Variants in CFAP299 observed in about 807,000 individuals in gnomAD.
The protein encoded by CFAP299 is cilia- and flagella-associated protein 299.
Under a neutral mutation model 27.0 loss-of-function variants are expected in CFAP299, and 21 were observed. That is an observed-to-expected ratio of 0.78 (90% confidence interval 0.55 to 1.12). CFAP299 has a LOEUF of 1.12. Among genes scored for constraint, CFAP299 ranks in the 50% most tolerant of loss-of-function variants. CFAP299 has a pLI of 0.00. For missense variants in CFAP299, 310 were observed against 276.6 expected, an observed-to-expected ratio of 1.12 and a Z score of -0.86; for synonymous variants, 104 against 98.1, an observed-to-expected ratio of 1.06 and a Z score of -0.36.
At chr4:80,596,046 A>G (rs1357346397) in intron 3 of CFAP299, among the ~76,000 whole-genome samples, 2 of 152,244 alleles carry the variant, frequency 1.3e-5, no homozygotes, top group Non-Finnish European at 1.5e-5. Context: ...CTTATTTTAT[A>G]TAATTATCTT....
At chr4:80,564,125 C>T (rs558063235) in intron 2 of CFAP299, among the ~76,000 whole-genome samples, 1 of 152,088 alleles carries the variant, frequency 6.6e-6, no homozygotes, top group South Asian at 2.1e-4. Flanking sequence ...AATACCAATC[C>T]TACTCAACCT....
intron 1 of CFAP299, 129 bp downstream of exon 1, chr4:80,336,008 C>A (rs1406530305): frequency 1.2e-5 from 8 of 642,974 alleles, no homozygotes; most frequent in Non-Finnish European, 2.2e-5. Context: ...GTTTCGGGAC[C>A]GCGACACTAA....
intron 2 of CFAP299, among the ~76,000 whole-genome samples, chr4:80,411,774 A>G (rs1198684799): frequency 6.6e-6 from 1 of 152,174 alleles, no homozygotes; most frequent in Non-Finnish European, 1.5e-5. Flanking sequence ...TCTCTTTGCC[A>G]TATTCTCTTT....
At chr4:80,385,804 G>C (rs1724943084) in intron 2 of CFAP299, among the ~76,000 whole-genome samples, 1 of 152,216 alleles carries the variant, frequency 6.6e-6, no homozygotes, top group Non-Finnish European at 1.5e-5. Flanking sequence ...CAACGGACTA[G>C]AGCCCACCTG....
intron 3 of CFAP299, among the ~76,000 whole-genome samples, chr4:80,712,310 T>C (rs1339988050): frequency 1.3e-5 from 2 of 152,200 alleles, no homozygotes; most frequent in East Asian, 3.9e-4. Context: ...GTGTTACTAT[T>C]CATATTAGAA....
chr4:80,895,710 C>A (rs76137413), intron 4 of CFAP299, among the ~76,000 whole-genome samples: 5,030 of 152,078 alleles, frequency 0.033, 186 homozygotes, highest in African/African-American at 0.092. Context: ...TATATAGGAG[C>A]AGCCCATTCA....
intron 3 of CFAP299, among the ~76,000 whole-genome samples, chr4:80,713,131 A>G (rs916148531): frequency 6.6e-6 from 1 of 152,192 alleles, no homozygotes; most frequent in African/African-American, 2.4e-5. Flanking sequence ...CCAATGGAGT[A>G]GAGAAGCAGA....
chr4:80,885,140 A>G (rs952971003), intron 4 of CFAP299, among the ~76,000 whole-genome samples: 1 of 152,178 alleles, frequency 6.6e-6, no homozygotes, highest in Non-Finnish European at 1.5e-5. Flanking sequence ...GGGCTCAGCC[A>G]GTGCCCACAC....
intron 3 of CFAP299, among the ~76,000 whole-genome samples, chr4:80,672,837 A>C (rs557261285): frequency 6.6e-6 from 1 of 151,418 alleles, no homozygotes; most frequent in South Asian, 2.1e-4. Context: ...TTTCTGTGGG[A>C]TCAGTGGTGA....
chr4:80,627,011 CAACAAACAAACA>C (rs70944797), intron 3 of CFAP299, among the ~76,000 whole-genome samples: 1 of 151,142 alleles, frequency 6.6e-6, no homozygotes, highest in African/African-American at 2.4e-5. Context: ...ACCTTGATAC[CAACAAACAAACA>C]AACAAACAAA....
At position 80,535,455 on chromosome 4, in the gene CFAP299, A is replaced by G. The variant is rs933869005; in HGVS notation, c.243-47638A>G. Among the ~76,000 whole-genome samples the G allele has an allele frequency of 1.2e-4, 15 of 123,692 alleles. 1 individual carries two copies. Among genetic ancestry groups the G allele is most frequent in the Admixed American group, 3.6e-4 (4 of 11,220 alleles). 81.1% of individuals were successfully genotyped at this position (123,692 alleles called of 152,430 possible). A position where few individuals can be genotyped will look rare whatever the true frequency, so the allele number is the denominator to read the frequency against. On this transcript the variant is annotated intron_variant, in intron 2 of 5. Transcript: ENST00000358105. ...GCTTGCAGTGAGCCGAGATCCCGCCACTGCACTCCAGCCTGGGCGACAGAG... is the reference window on the plus strand; with the variant it reads ...GCTTGCAGTGAGCCGAGATCCCGCCGCTGCACTCCAGCCTGGGCGACAGAG...
chr4:80,342,510 A>G (rs1722505457), intron 1 of CFAP299, among the ~76,000 whole-genome samples: 1 of 152,178 alleles, frequency 6.6e-6, no homozygotes, highest in South Asian at 2.1e-4. Flanking sequence ...TTGCAGACCA[A>G]TGTTCAACAT....
intron 3 of CFAP299, among the ~76,000 whole-genome samples, chr4:80,820,745 T>A (rs974733083): frequency 5.3e-5 from 8 of 152,184 alleles, no homozygotes; most frequent in Non-Finnish European, 1.2e-4. Context: ...GCGTCCGCAT[T>A]TCCTCGCCTG....
chr4:80,806,419 A>G (rs1728869196), intron 3 of CFAP299, among the ~76,000 whole-genome samples: 2 of 152,210 alleles, frequency 1.3e-5, no homozygotes, highest in Admixed American at 6.5e-5. Context: ...TCAAATACAG[A>G]ACCAAAATAT....
At chr4:80,423,326 A>G (rs959810190) in intron 2 of CFAP299, among the ~76,000 whole-genome samples, 2 of 152,388 alleles carry the variant, frequency 1.3e-5, no homozygotes, top group East Asian at 3.9e-4. Flanking sequence ...TCAACAATTA[A>G]TAATAGTCCA....
In CFAP299 at chr4:80,910,310, C is replaced by T. The variant is rs567105279; in HGVS notation, c.477-34500C>T. Among the ~76,000 whole-genome samples, 23 of 152,060 alleles carry T rather than the reference C, an allele frequency of 1.5e-4. 1 individual carries two copies. Among genetic ancestry groups the T allele is most frequent in the African/African-American group, 5.5e-4 (23 of 41,498 alleles). ...TGCTAAAAACAGAACTACCATTTGA[C>T]CCAGCAGCCTCATTACTGGGTATAT... On this transcript the variant is annotated intron_variant, in intron 4 of 5. Transcript: ENST00000358105.
chr4:80,450,888 CGTGT>C lies in CFAP299; in HGVS notation c.242+88024_242+88027del, dbSNP rs35096997. ...AATTTAAAAAATAATGGATTAATAC[CGTGT>C]GTGTGTGTGTGTGTGTGTGAGAGAG... On this transcript the variant is annotated intron_variant, in intron 2 of 5. Transcript: ENST00000358105. 3.4e-5 allele frequency among the ~76,000 whole-genome samples: 5 copies of C among 145,704 alleles called. No individual in the cohort carries two copies. In the East Asian group the frequency reaches 1.0e-3, roughly 30 times the overall value.
intron 3 of CFAP299, among the ~76,000 whole-genome samples, chr4:80,862,939 T>C (rs772201283): frequency 1.3e-5 from 2 of 152,152 alleles, no homozygotes; most frequent in Non-Finnish European, 2.9e-5. Flanking sequence ...AAAACAATAG[T>C]TGATTCGCAG....
intron 2 of CFAP299, among the ~76,000 whole-genome samples, chr4:80,535,526 A>T (rs1733698019): frequency 6.7e-6 from 1 of 148,908 alleles, no homozygotes; most frequent in Non-Finnish European, 1.5e-5. Flanking sequence ...AAAAAAAAAG[A>T]ACTGAAGAGC....
Sources: gnomAD v4.1 joint callset for allele counts (sites outside exome capture counted in the v4.1 genomes callset) on GRCh38, gnomAD v4.1.1 for gene constraint, MANE v1.5 for transcripts, NCBI Gene and HGNC (gene_info 2026-07-23, HGNC 2026-07-21) for gene names.